The following SCUBE1 variants were observed in gnomAD, a reference collection of about 807,000 sequenced individuals.
The protein encoded by SCUBE1 is signal peptide, CUB domain and EGF like domain containing 1.
In SCUBE1, 59 loss-of-function variants were observed where a neutral mutation model predicts 124.4. The ratio of observed to expected loss-of-function variants is 0.47; its 90% CI spans 0.38 to 0.59. SCUBE1 has a LOEUF of 0.59. SCUBE1 is among the 20% of genes least tolerant of loss of function. The probability of loss-of-function intolerance (pLI) is 0.00; values close to 1 mark genes in which losing one functional copy is unlikely to be tolerated. For synonymous variants in SCUBE1, 545 were observed against 550.9 expected (o/e 0.99, Z 0.15); for missense variants, 1,150 against 1,371.2 (o/e 0.84, Z 2.55).
chr22:43,298,099 T>G (rs1925631578), intron 3 of SCUBE1, among the ~76,000 whole-genome samples: 1 of 152,274 alleles, frequency 6.6e-6, no homozygotes, highest in African/African-American at 2.4e-5. Context: ...GCCTCTTGGC[T>G]ATCTAGCGGC....
At chr22:43,260,126 G>T (rs960174495) in intron 5 of SCUBE1, among the ~76,000 whole-genome samples, 3 of 152,158 alleles carry the variant, frequency 2.0e-5, no homozygotes, top group African/African-American at 7.2e-5. Flanking sequence ...AGTGGGCAGG[G>T]GTGCAGCTGG....
Position 43,231,667 on chromosome 22 carries a change from C to CT in SCUBE1, c.967+85dup, listed in dbSNP as rs2146679155. The CT allele has an allele frequency of 8.7e-6, 13 of 1,495,254 alleles. No individual in the cohort carries two copies. In the South Asian group the frequency reaches 1.3e-4, roughly 15 times the overall value. The allele number at this position is 1,495,254 out of a possible 1,614,324, so 92.6% of individuals were successfully genotyped here. A position where few individuals can be genotyped will look rare whatever the true frequency, so the allele number is the denominator to read the frequency against. On this transcript the variant is annotated intron_variant, in intron 8 of 21. Coordinates refer to ENST00000360835, the MANE Select transcript of SCUBE1 (RefSeq NM_173050.5). ...CCAGCCCCATCCGCATTCCCCTCCC[C>CT]TCCTAGGAGCCCGTGTCAGCCCAGG...
chr22:43,303,138 T>G (rs1925837985), intron 3 of SCUBE1, among the ~76,000 whole-genome samples: 1 of 152,258 alleles, frequency 6.6e-6, no homozygotes, highest in African/African-American at 2.4e-5. Context: ...CTTCAGGGAC[T>G]AATTCTTTCC....
intron 3 of SCUBE1, among the ~76,000 whole-genome samples, chr22:43,309,158 C>G (rs542405147): frequency 2.0e-5 from 3 of 152,150 alleles, no homozygotes; most frequent in African/African-American, 7.2e-5. Context: ...TCCATTTTCC[C>G]TAAACTGTGT....
At chr22:43,308,022 A>G (rs1926036100) in intron 3 of SCUBE1, among the ~76,000 whole-genome samples, 1 of 151,968 alleles carries the variant, frequency 6.6e-6, no homozygotes, top group Non-Finnish European at 1.5e-5. Context: ...CAAGCAGGCC[A>G]TGGGCATGAG....
chr22:43,209,546 G>A (rs541155521), intron 19 of SCUBE1, among the ~76,000 whole-genome samples: 4 of 152,322 alleles, frequency 2.6e-5, no homozygotes, highest in South Asian at 2.1e-4. Context: ...TGACGGGGGC[G>A]GATGAGCCAG....
intron 6 of SCUBE1, among the ~76,000 whole-genome samples, chr22:43,256,894 G>A (rs756644312): frequency 3.3e-5 from 5 of 152,242 alleles, no homozygotes; most frequent in African/African-American, 9.6e-5. Flanking sequence ...GTCTGAGACC[G>A]GGTTTGGCTT....
chr22:43,298,008 G>A (rs530686051), intron 3 of SCUBE1, among the ~76,000 whole-genome samples: 7 of 152,314 alleles, frequency 4.6e-5, no homozygotes, highest in Admixed American at 2.6e-4. Flanking sequence ...CCTCCAGCAC[G>A]GAGAGCTCCC....
At chr22:43,340,481 T>TAC (rs3047392) in intron 1 of SCUBE1, among the ~76,000 whole-genome samples, 6,320 of 136,014 alleles carry the variant, frequency 0.046, 165 homozygotes, top group East Asian at 0.091. Context: ...TTGTCTCTTT[T>TAC]ACACACACAC....
chr22:43,223,397 C>T (rs1922181670), intron 10 of SCUBE1, among the ~76,000 whole-genome samples, 181 bp from the exon 11 acceptor site: 2 of 152,124 alleles, frequency 1.3e-5, no homozygotes. Flanking sequence ...GATGCTGGGC[C>T]CAGACAGCTG....
intron 10 of SCUBE1, among the ~76,000 whole-genome samples, chr22:43,225,783 G>A (rs1363655127): frequency 6.6e-6 from 1 of 151,924 alleles, no homozygotes; most frequent in Non-Finnish European, 1.5e-5. Flanking sequence ...GCAGGTTTGC[G>A]TAAACCTGCT....
At position 43,210,277 on chromosome 22, in the gene SCUBE1, T is replaced by C. The variant is rs1387086477; in HGVS notation, c.2384-37A>G. On this transcript the variant is annotated intron_variant, in intron 18 of 21. Coordinates refer to ENST00000360835, the MANE Select transcript of SCUBE1 (RefSeq NM_173050.5). The surrounding 1 kb of genome is among the most constrained non-coding windows in gnomAD (Gnocchi z 4.5). The stretch of plus-strand genomic sequence containing the variant: ...GTGGCCCGAGGGCCTCATCAGGCTC[T>C]GCTGGGCAGGGGCCCTGGCCGGCCA... 1 of 1,478,602 alleles carries C rather than the reference T, an allele frequency of 6.8e-7. No homozygotes were observed. The highest frequency in any genetic ancestry group is 8.9e-7 in the Non-Finnish European group (1 of 1,118,056). The allele number at this position is 1,478,602 out of a possible 1,614,324, so 91.6% of individuals were successfully genotyped here. A position where few individuals can be genotyped will look rare whatever the true frequency, so the allele number is the denominator to read the frequency against.
intron 6 of SCUBE1, among the ~76,000 whole-genome samples, chr22:43,251,388 A>C (rs1923441620): frequency 6.6e-6 from 1 of 152,208 alleles, no homozygotes; most frequent in Admixed American, 6.5e-5. Context: ...TGCCCCCTTA[A>C]AATGCCCACA....
In SCUBE1 at chr22:43,288,493, G is replaced by A. The variant is rs552461150; in HGVS notation, c.484+2553C>T. On this transcript the variant is annotated intron_variant, in intron 4 of 21. Coordinates refer to ENST00000360835, the MANE Select transcript of SCUBE1 (RefSeq NM_173050.5). Reference sequence around the variant, plus strand: ...TGTCCAGCCCCCACCTCCCCGCCTCGGGCTCCTCCCGCTTCGTGCTCTCTG... The same window carrying A: ...TGTCCAGCCCCCACCTCCCCGCCTCAGGCTCCTCCCGCTTCGTGCTCTCTG... Among the ~76,000 whole-genome samples, 9 of 152,102 alleles carry A rather than the reference G, an allele frequency of 5.9e-5. No homozygotes were observed. The South Asian group carries it at 8.3e-4, about 14-fold the overall frequency.
chr22:43,262,659 T>C, intron 5 of SCUBE1, 61 bp downstream of exon 5: 1 of 1,599,918 alleles, frequency 6.3e-7, no homozygotes, highest in Non-Finnish European at 8.5e-7. Flanking sequence ...GGACAGACCC[T>C]CCAGAAAGTA....
intron 15 of SCUBE1, among the ~76,000 whole-genome samples, chr22:43,216,194 T>C (rs2146661477): frequency 6.6e-6 from 1 of 151,752 alleles, no homozygotes; most frequent in East Asian, 2.0e-4. Flanking sequence ...TTGCAGGCGC[T>C]CGCCACCACA....
chr22:43,235,871 C>T (rs553680568), intron 7 of SCUBE1, among the ~76,000 whole-genome samples: 4 of 152,228 alleles, frequency 2.6e-5, no homozygotes, highest in Non-Finnish European at 5.9e-5. Context: ...GGGCACGGTA[C>T]CCAGCAGGGA....
intron 9 of SCUBE1, among the ~76,000 whole-genome samples, chr22:43,227,972 G>A (rs1922394520): frequency 6.6e-6 from 1 of 152,182 alleles, no homozygotes; most frequent in African/African-American, 2.4e-5. Flanking sequence ...GCTGAAGCTG[G>A]GGGAAGGGGC....
intron 8 of SCUBE1, among the ~76,000 whole-genome samples, chr22:43,230,319 A>C (rs201712776): frequency 6.6e-6 from 1 of 152,056 alleles, no homozygotes; most frequent in South Asian, 2.1e-4. Context: ...GTGGAGCCCA[A>C]GGGGGACTGG....
Sources: allele counts gnomAD v4.1 joint callset (sites outside exome capture counted in the v4.1 genomes callset), GRCh38; gene constraint gnomAD v4.1.1; non-coding constraint Gnocchi (gnomAD v3.1); transcripts MANE v1.5; gene names NCBI Gene and HGNC (gene_info 2026-07-23, HGNC 2026-07-21).